The following PACSIN2 variants were observed in gnomAD, a reference collection of about 807,000 sequenced individuals.
The protein encoded by PACSIN2 is protein kinase C and casein kinase substrate in neurons protein 2.
PACSIN2 carries 25 observed loss-of-function variants against 63.8 expected under a neutral mutation model. The ratio of observed to expected loss-of-function variants is 0.39; its 90% CI spans 0.29 to 0.55. PACSIN2 has a LOEUF of 0.55. PACSIN2 is among the 20% of genes least tolerant of loss of function. PACSIN2 has a pLI of 0.62. For synonymous variants in PACSIN2, 255 were observed against 256.2 expected, an observed-to-expected ratio of 1.00 and a Z score of 0.05; for missense variants, 518 against 646.9, an observed-to-expected ratio of 0.80 and a Z score of 2.16.
At chr22:42,979,772 G>C (rs1165672885) in intron 1 of PACSIN2, among the ~76,000 whole-genome samples, 1 of 152,046 alleles carries the variant, frequency 6.6e-6, no homozygotes, top group African/African-American at 2.4e-5. Flanking sequence ...AGATTCCTGA[G>C]GACAAAATCC....
At chr22:42,961,982 G>A (rs59597739) in intron 1 of PACSIN2, among the ~76,000 whole-genome samples, 2,826 of 152,118 alleles carry the variant, frequency 0.019, 94 homozygotes, top group African/African-American at 0.065. Flanking sequence ...TTAAATCCAC[G>A]GCACCATCAC....
chr22:42,899,174 T>C (rs1930497355), intron 2 of PACSIN2, among the ~76,000 whole-genome samples: 1 of 152,158 alleles, frequency 6.6e-6, no homozygotes, highest in South Asian at 2.1e-4. Flanking sequence ...TTCCACAGGG[T>C]CTACCGCACA....
intron 1 of PACSIN2, among the ~76,000 whole-genome samples, chr22:42,939,894 G>A (rs1357611835): frequency 1.3e-5 from 2 of 152,204 alleles, no homozygotes; most frequent in Non-Finnish European, 2.9e-5. Flanking sequence ...ACAGGAGATG[G>A]CAGCGTGCAA....
intron 2 of PACSIN2, among the ~76,000 whole-genome samples, chr22:42,903,308 T>A (rs1290320843): frequency 6.6e-6 from 1 of 152,244 alleles, no homozygotes; most frequent in Admixed American, 6.5e-5. Context: ...ACCTGCCAGA[T>A]GTCCCCATGG....
At chr22:42,989,507 A>C (rs1267872458) in intron 1 of PACSIN2, among the ~76,000 whole-genome samples, 2 of 150,880 alleles carry the variant, frequency 1.3e-5, no homozygotes, top group Non-Finnish European at 3.0e-5. Context: ...CCCCTCAAAA[A>C]AAAAAAAGGC....
At chr22:42,981,734 AG>A (rs1262736792) in intron 1 of PACSIN2, among the ~76,000 whole-genome samples, 1 of 89,078 alleles carries the variant, frequency 1.1e-5, no homozygotes. Context: ...GGAAGTGAGG[AG>A]CCCCTCTGCC....
Position 42,881,111 on chromosome 22 carries a change from C to T in PACSIN2, c.906+1073G>A, listed in dbSNP as rs781698357. On this transcript the variant is annotated intron_variant, in intron 7 of 10. Coordinates refer to ENST00000263246, the MANE Select transcript of PACSIN2 (RefSeq NM_001184970.3). ...TACTGGGAGCAAGTCCTGGGGCTGGCGCAGGGGAGTGCTCGGCAGCAGGGC... is the reference window on the plus strand; with the variant it reads ...TACTGGGAGCAAGTCCTGGGGCTGGTGCAGGGGAGTGCTCGGCAGCAGGGC... 4.4e-4 allele frequency among the ~76,000 whole-genome samples: 67 copies of T among 152,280 alleles called. 1 individual carries two copies. Among genetic ancestry groups the T allele is most frequent in the Admixed American group, 3.9e-4 (6 of 15,300 alleles).
intron 1 of PACSIN2, among the ~76,000 whole-genome samples, chr22:43,000,854 A>G (rs1329178604): frequency 2.6e-5 from 4 of 152,228 alleles, no homozygotes; most frequent in Admixed American, 1.3e-4. Flanking sequence ...CCGTGATCCA[A>G]TCACATTGAC....
At chr22:42,994,856 C>T (rs1316141264) in intron 1 of PACSIN2, among the ~76,000 whole-genome samples, 1 of 152,202 alleles carries the variant, frequency 6.6e-6, no homozygotes, top group African/African-American at 2.4e-5. Flanking sequence ...TCGCAGCCAG[C>T]GAATGCAGCT....
intron 1 of PACSIN2, among the ~76,000 whole-genome samples, chr22:43,004,888 C>T (rs911368369): frequency 6.6e-6 from 1 of 152,196 alleles, no homozygotes; most frequent in African/African-American, 2.4e-5. Context: ...ACCCCTTTAG[C>T]TCTGACTCTC....
At chr22:42,993,619 C>A (rs1009959264) in intron 1 of PACSIN2, 3 of 152,218 alleles carry the variant, frequency 2.0e-5, no homozygotes, top group African/African-American at 7.2e-5. Context: ...CAGCTGCTAA[C>A]CTTACACACA....
intron 1 of PACSIN2, among the ~76,000 whole-genome samples, chr22:42,983,489 C>CA (rs775403003): frequency 0.31 from 25,423 of 80,732 alleles, 4,705 homozygotes; most frequent in Middle Eastern, 0.49. Context: ...GACTCCATCT[C>CA]AAAAAAAAAA....
intron 1 of PACSIN2, among the ~76,000 whole-genome samples, chr22:42,956,008 T>C (rs1933901600): frequency 6.6e-6 from 1 of 152,240 alleles, no homozygotes; most frequent in South Asian, 2.1e-4. Context: ...AATTGGGAAG[T>C]TCAACATTTT....
chr22:42,951,213 A>C (rs1002134403), intron 1 of PACSIN2, among the ~76,000 whole-genome samples: 1 of 152,142 alleles, frequency 6.6e-6, no homozygotes, highest in African/African-American at 2.4e-5. Flanking sequence ...CTGGTAAAGG[A>C]ATCCACGAGC....
At chr22:42,888,346 A>G (rs915117721) in intron 5 of PACSIN2, among the ~76,000 whole-genome samples, 1 of 152,126 alleles carries the variant, frequency 6.6e-6, no homozygotes, top group Non-Finnish European at 1.5e-5. Context: ...TGTTGGCACA[A>G]GCAGCTCCCT....
chr22:42,985,352 T>A (rs1369812502), intron 1 of PACSIN2, among the ~76,000 whole-genome samples: 1 of 152,218 alleles, frequency 6.6e-6, no homozygotes, highest in African/African-American at 2.4e-5. Context: ...CCTCTCTGGA[T>A]GGGGTGCTCA....
At chr22:42,927,347 C>T (rs1402532429) in intron 1 of PACSIN2, among the ~76,000 whole-genome samples, 1 of 151,984 alleles carries the variant, frequency 6.6e-6, no homozygotes, top group Admixed American at 6.6e-5. Context: ...CGAGTTCAAG[C>T]AACTTTCATG....
At chr22:42,904,683 C>T (rs986335968) in intron 2 of PACSIN2, among the ~76,000 whole-genome samples, 1 of 150,404 alleles carries the variant, frequency 6.6e-6, no homozygotes. Flanking sequence ...CACCTCCTTC[C>T]GTTCCCTCCT....
At chr22:42,922,622 T>C (rs1052822978) in intron 1 of PACSIN2, among the ~76,000 whole-genome samples, 4 of 152,186 alleles carry the variant, frequency 2.6e-5, no homozygotes, top group African/African-American at 9.7e-5. Flanking sequence ...CTTCACTATC[T>C]GGGGGGAGAT....
Sources: allele counts gnomAD v4.1 joint callset (sites outside exome capture counted in the v4.1 genomes callset), GRCh38; gene constraint gnomAD v4.1.1; transcripts MANE v1.5; gene names NCBI Gene and HGNC (gene_info 2026-07-23, HGNC 2026-07-21).